The following GPR180 variants were observed in gnomAD, a reference collection of about 807,000 sequenced individuals.
The protein encoded by GPR180 is G protein-coupled receptor 180.
In GPR180, 53 loss-of-function variants were observed where a neutral mutation model predicts 52.6. The observed-to-expected ratio is 1.01, with a 90% CI of 0.81 to 1.27. The LOEUF (loss-of-function observed/expected upper bound fraction) is 1.27, where lower values mean the gene tolerates loss of function less well. Among genes scored for constraint, GPR180 ranks in the 50% most tolerant of loss-of-function variants. The probability of loss-of-function intolerance (pLI) is 0.00; values close to 1 mark genes in which losing one functional copy is unlikely to be tolerated. For synonymous variants in GPR180, 200 were observed against 193.1 expected (o/e 1.04, Z -0.30); for missense variants, 533 against 527.0 (o/e 1.01, Z -0.11).
chr13:94,625,713 G>A (rs969292323), intron 7 of GPR180, among the ~76,000 whole-genome samples: 2 of 151,938 alleles, frequency 1.3e-5, no homozygotes, highest in Admixed American at 6.6e-5. Flanking sequence ...ATAATTTGTA[G>A]TGTATCAAAA....
rs924689664 is a variant in GPR180 at position 94,627,447 on chromosome 13, A to G, written c.*276A>G. On this transcript the variant is annotated 3_prime_UTR_variant, in exon 9 of 9. Coordinates refer to ENST00000376958, the MANE Select transcript of GPR180 (RefSeq NM_180989.6). ...GTGGAAATAAATGTGAAAAATAACT[A>G]TGATATTTTGGTAAAATATTCACCA... is the stretch of plus-strand genomic sequence containing the variant. 3 of 380,694 alleles carry G rather than the reference A, an allele frequency of 7.9e-6. No homozygotes were observed. The highest frequency in any genetic ancestry group is 1.4e-5 in the Non-Finnish European group (3 of 214,728). 23.6% of individuals were successfully genotyped at this position (380,694 alleles called of 1,614,324 possible).
rs1889942335 is a variant in GPR180 at position 94,627,396 on chromosome 13, T to C, written c.*225T>C. On this transcript the variant is annotated 3_prime_UTR_variant, in exon 9 of 9. Coordinates refer to ENST00000376958, the MANE Select transcript of GPR180 (RefSeq NM_180989.6). Reference sequence around the variant, plus strand: ...CAACAAACTTTGAAGAAAGTGTTGTTATAAAATTATTGAAGCGATTTCTAT... The same window carrying C: ...CAACAAACTTTGAAGAAAGTGTTGTCATAAAATTATTGAAGCGATTTCTAT... 2.2e-6 allele frequency: 1 copy of C among 454,164 alleles called. No individual in the cohort carries two copies. The highest frequency in any genetic ancestry group is 3.9e-5 in the East Asian group (1 of 25,658). The allele number at this position is 454,164 out of a possible 1,614,324, so 28.1% of individuals were successfully genotyped here.
At chr13:94,605,022 CAT>C (rs1192004689) in intron 1 of GPR180, among the ~76,000 whole-genome samples, 5 of 152,034 alleles carry the variant, frequency 3.3e-5, no homozygotes, top group South Asian at 2.1e-4. Flanking sequence ...ACACCTATGT[CAT>C]ATTAAAAAAC....
rs1889875038 is a variant in GPR180, at chr13:94,623,208, T to C, written c.994T>C (p.Cys332Arg). ...AGILLIVLRI[C>R]LALSLGCGLY... ...GATCCTCCTAATTGTTCTAAGAATT[T>C]GCCTAGCATTGTCATTAGGCTGTGG... is the stretch of plus-strand genomic sequence containing the variant. Residue 332 changes from cysteine (C) to arginine (R), a missense_variant, in exon 7 of 9, where the codon TGC (cysteine) becomes CGC (arginine). Cys to Arg is a radical substitution (Grantham distance 180, BLOSUM62 -3). Coordinates refer to ENST00000376958, the MANE Select transcript of GPR180 (RefSeq NM_180989.6). 6.2e-7 allele frequency: 1 copy of C among 1,613,974 alleles called. No homozygotes were observed. The highest frequency in any genetic ancestry group is 8.5e-7 in the Non-Finnish European group (1 of 1,179,840).
intron 1 of GPR180, among the ~76,000 whole-genome samples, chr13:94,602,963 A>G (rs1286556518): frequency 6.6e-6 from 1 of 152,200 alleles, no homozygotes; most frequent in African/African-American, 2.4e-5. Flanking sequence ...GAACATCAGA[A>G]TATTGGCCTA....
intron 6 of GPR180, among the ~76,000 whole-genome samples, chr13:94,621,622 T>C (rs1471670410): frequency 6.6e-6 from 1 of 152,182 alleles, no homozygotes; most frequent in Non-Finnish European, 1.5e-5. Context: ...TCCATGAATT[T>C]GAGATTTATC....
At chr13:94,607,738 C>G (rs1356205579) in intron 2 of GPR180, among the ~76,000 whole-genome samples, 1 of 152,134 alleles carries the variant, frequency 6.6e-6, no homozygotes, top group Non-Finnish European at 1.5e-5. Context: ...GTCCTTAAGG[C>G]TGGTGGAGGT....
At chr13:94,609,694 T>C (rs1889679412) in intron 2 of GPR180, among the ~76,000 whole-genome samples, 1 of 152,114 alleles carries the variant, frequency 6.6e-6, no homozygotes. Flanking sequence ...ACTAAAAGTC[T>C]TCCAATATTT....
At chr13:94,602,418 A>G (rs1889570963) in intron 1 of GPR180, among the ~76,000 whole-genome samples, 1 of 147,250 alleles carries the variant, frequency 6.8e-6, no homozygotes, top group African/African-American at 2.5e-5. Flanking sequence ...AAAGAAGCAT[A>G]TTTGCTCCTT....
At chr13:94,612,795 G>GT (rs1464117133) in intron 3 of GPR180, among the ~76,000 whole-genome samples, 1 of 152,112 alleles carries the variant, frequency 6.6e-6, no homozygotes, top group Non-Finnish European at 1.5e-5. Flanking sequence ...CAGAAAAATG[G>GT]TAACAAATTA....
In GPR180 at chr13:94,627,261, A is replaced by G. The variant is rs1418963984; in HGVS notation, c.*90A>G. ...GTGACTTTTTTTTCATACATTTAGT[A>G]TGAAAACTTGAACAGCGAAAGCAGA... On this transcript the variant is annotated 3_prime_UTR_variant, in exon 9 of 9. Coordinates refer to ENST00000376958, the MANE Select transcript of GPR180 (RefSeq NM_180989.6). 9.0e-6 allele frequency: 10 copies of G among 1,110,578 alleles called. No individual in the cohort carries two copies. In the East Asian group the frequency reaches 9.7e-5, roughly 11 times the overall value. 68.8% of individuals were successfully genotyped at this position (1,110,578 alleles called of 1,614,324 possible).
intron 2 of GPR180, among the ~76,000 whole-genome samples, chr13:94,606,911 T>G (rs1027276421): frequency 6.6e-6 from 1 of 152,252 alleles, no homozygotes; most frequent in Non-Finnish European, 1.5e-5. Context: ...TACATGCAGA[T>G]TCTCTTGATT....
chr13:94,607,155 A>T (rs1408865778), intron 2 of GPR180, among the ~76,000 whole-genome samples: 1 of 151,276 alleles, frequency 6.6e-6, no homozygotes, highest in Admixed American at 6.6e-5. Flanking sequence ...TGACCTTTCT[A>T]CCCCCTCATA....
chr13:94,623,906 T>A (rs1250368465), intron 7 of GPR180, among the ~76,000 whole-genome samples: 3 of 152,198 alleles, frequency 2.0e-5, no homozygotes, highest in East Asian at 3.8e-4. Context: ...ACCAGAATTT[T>A]AAATTTTTAA....
chr13:94,623,142 A>ATCAG lies in GPR180; in HGVS notation c.932_935dup (p.His312GlnfsTer4), dbSNP rs1280563506. 6.2e-7 allele frequency: 1 copy of ATCAG among 1,613,800 alleles called. No homozygotes were observed. The highest frequency in any genetic ancestry group is 8.5e-7 in the Non-Finnish European group (1 of 1,179,928). ...GCTACTTTGGGAACAGTTTGAAGAT[A>ATCAG]TCAGTCATCATAGCTACCATTCACA... On this transcript the variant is annotated frameshift_variant, in exon 7 of 9. Transcript: ENST00000376958. LOFTEE classifies it high-confidence loss of function.
chr13:94,612,207 G>T lies in GPR180; in HGVS notation c.322G>T (p.Glu108Ter). 1 of 1,613,904 alleles carries T rather than the reference G, an allele frequency of 6.2e-7. No homozygotes were observed. The highest frequency in any genetic ancestry group is 8.5e-7 in the Non-Finnish European group (1 of 1,179,874). Reference protein sequence around the residue: ...AQLTMTMNQTEHNLTVSQIPS... With the variant: ...AQLTMTMNQT ...CTTTAAAGTGACCATGAACCAGACC[G>T]AACATAATCTGACAGTGTCCCAGAT... The change falls in exon 3 of 9, where the codon GAA (glutamate) becomes TAA (stop). Residue 108 changes from glutamate (E) to a stop codon, truncating the protein, a stop_gained. Coordinates refer to ENST00000376958, the MANE Select transcript of GPR180 (RefSeq NM_180989.6). LOFTEE classifies it high-confidence loss of function.
intron 7 of GPR180, among the ~76,000 whole-genome samples, chr13:94,624,693 C>T (rs964417147): frequency 6.6e-6 from 1 of 152,098 alleles, no homozygotes; most frequent in Non-Finnish European, 1.5e-5. Context: ...GAGTAACTCG[C>T]GCCCACGCCC....
chr13:94,606,958 A>G (rs1293781749), intron 2 of GPR180, among the ~76,000 whole-genome samples: 1 of 152,220 alleles, frequency 6.6e-6, no homozygotes, highest in Non-Finnish European at 1.5e-5. Context: ...TTGCTCATCT[A>G]AGTGTTGCAC....
At chr13:94,618,420 A>ATT (rs570807308) in intron 3 of GPR180, among the ~76,000 whole-genome samples, 935 of 87,088 alleles carry the variant, frequency 0.011, 143 homozygotes, top group African/African-American at 0.043. Flanking sequence ...TCAGCACAGG[A>ATT]TTTTTTTTTT....
Sources: allele counts gnomAD v4.1 joint callset (sites outside exome capture counted in the v4.1 genomes callset), GRCh38; gene constraint gnomAD v4.1.1; transcripts MANE v1.5; gene names NCBI Gene and HGNC (gene_info 2026-07-23, HGNC 2026-07-21).